NAV1: variants seen among roughly 807,000 people sequenced by gnomAD.
The protein encoded by NAV1 is pore membrane and/or filament interacting like protein 3.
A neutral mutation model predicts 175.2 loss-of-function variants in NAV1; 18 were observed. That is an observed-to-expected ratio of 0.10 (90% CI 0.07 to 0.15). NAV1 has a LOEUF of 0.15. Among genes scored for constraint, NAV1 ranks in the 10% least tolerant of loss-of-function variants. The pLI, the probability that NAV1 is intolerant of heterozygous loss-of-function variation, is 1.00. For missense variants in NAV1, 1,731 were observed against 2,436.6 expected (o/e 0.71, Z 6.10); for synonymous variants, 897 against 978.7 (o/e 0.92, Z 1.56).
At chr1:201,630,699 A>G (rs994269842) in intron 2 of NAV1, among the ~76,000 whole-genome samples, 1 of 152,222 alleles carries the variant, frequency 6.6e-6, no homozygotes, top group South Asian at 2.1e-4. Context: ...ATCTCCTTCC[A>G]CAATAAATAT....
At chr1:201,578,552 T>C (rs1666757790) in intron 1 of NAV1, among the ~76,000 whole-genome samples, 2 of 152,122 alleles carry the variant, frequency 1.3e-5, no homozygotes, top group Non-Finnish European at 2.9e-5. Context: ...AAGTCCAGGC[T>C]CCGCATATGG....
chr1:201,756,864 CTTTCTTTCTTTCTTTCTTTCTCTG>C (rs1674535162), intron 3 of NAV1, among the ~76,000 whole-genome samples: 1 of 108,052 alleles, frequency 9.3e-6, no homozygotes, highest in Non-Finnish European at 2.1e-5. Context: ...TTCTTTCTTT[CTTTCTTTCTTTCTTTCTTTCTCTG>C]TCTTTCTCCC....
rs1367429929 is a variant in NAV1 at position 201,794,693 on chromosome 1, G to A, written c.3517+116G>A. 4 of 928,434 alleles carry A rather than the reference G, an allele frequency of 4.3e-6. No homozygotes were observed. The South Asian group carries it at 5.6e-5, about 13-fold the overall frequency. 57.5% of individuals were successfully genotyped at this position (928,434 alleles called of 1,614,324 possible). On this transcript the variant is annotated intron_variant, in intron 15 of 29. Transcript: ENST00000367296. Reference sequence around the variant, plus strand: ...CCTATATCAAGTCTCTAGAAGGTGAGGGCCTTTAGATACCCTTTAGTGTGA... The same window carrying A: ...CCTATATCAAGTCTCTAGAAGGTGAAGGCCTTTAGATACCCTTTAGTGTGA...
At chr1:201,579,822 G>A (rs1436911165) in intron 1 of NAV1, among the ~76,000 whole-genome samples, 1 of 152,172 alleles carries the variant, frequency 6.6e-6, no homozygotes, top group Non-Finnish European at 1.5e-5. Context: ...ATAGATACAC[G>A]AGAGGGGATT....
intron 2 of NAV1, among the ~76,000 whole-genome samples, chr1:201,605,366 A>T (rs1309534175): frequency 1.3e-5 from 2 of 152,082 alleles, no homozygotes; most frequent in Non-Finnish European, 2.9e-5. Flanking sequence ...GAGAAAAAAA[A>T]GTTAGGTGGT....
In NAV1 at chr1:201,687,255, A is replaced by C. The variant is rs568581648; in HGVS notation, c.758-25562A>C. On this transcript the variant is annotated intron_variant, in intron 1 of 29. Coordinates refer to ENST00000367296, the Ensembl canonical transcript of NAV1. ...TTATAGGTTGCTTTTTTTTTCCCCC[A>C]GGGGGAAGTGGCTGGAAGGTGGCAC... Among the ~76,000 whole-genome samples, 22 of 152,040 alleles carry C rather than the reference A, an allele frequency of 1.4e-4. No individual in the cohort carries two copies. The South Asian group carries it at 3.3e-3, about 23-fold the overall frequency.
At chr1:201,562,836 A>T (rs993932880) in intron 1 of NAV1, among the ~76,000 whole-genome samples, 2 of 152,136 alleles carry the variant, frequency 1.3e-5, no homozygotes, top group African/African-American at 4.8e-5. Flanking sequence ...AGAGCCTGTC[A>T]GTAGGGAACC....
In NAV1 at chr1:201,808,432, C is replaced by G; in HGVS notation, c.3860C>G (p.Pro1287Arg). ...CTATCTTACAGGGGCCCTGCTCACC[C>G]AGCCCCCCACACTAGGCTGTTCCAT... The change falls in exon 19 of 30, where the codon CCA (proline) becomes CGA (arginine). Residue 1287 changes from proline (P) to arginine (R), a missense_variant. Physicochemically the swap from Pro to Arg is moderately radical, Grantham distance 103 (BLOSUM62 -2). Coordinates refer to ENST00000367296, the Ensembl canonical transcript of NAV1. The surrounding 1 kb of genome is among the most constrained non-coding windows in gnomAD (Gnocchi z 5.5). The G allele has an allele frequency of 6.2e-7, 1 of 1,612,462 alleles. No individual in the cohort carries two copies. Among genetic ancestry groups the G allele is most frequent in the Non-Finnish European group, 8.5e-7 (1 of 1,179,008 alleles).
intron 2 of NAV1, among the ~76,000 whole-genome samples, chr1:201,642,175 T>TCCTC (rs1668781747): frequency 7.7e-6 from 1 of 130,110 alleles, no homozygotes; most frequent in Non-Finnish European, 1.6e-5. Context: ...CTCCCTTCCT[T>TCCTC]CCTTCCTTCC....
intron 11 of NAV1, 81 bp from the exon 16 acceptor site, chr1:201,790,473 C>T: frequency 4.7e-6 from 7 of 1,502,186 alleles, no homozygotes; most frequent in Non-Finnish European, 6.5e-6. Flanking sequence ...TCCTACCCTG[C>T]CACTGGGACC....
rs745351805 is a variant in NAV1 at position 201,812,245 on chromosome 1, T to A, written c.5025-220T>A. On this transcript the variant is annotated intron_variant, in intron 26 of 29. Transcript: ENST00000367296. This position sits in a 1 kb window ranked among gnomAD's most constrained non-coding sequence, Gnocchi z 4.6. ...GCCCGCACACGCTGATCTGGGTCAG[T>A]GATGTCAGAAGGTTATCCGAAGAGG... Among the ~76,000 whole-genome samples, 5 of 152,156 alleles carry A rather than the reference T, an allele frequency of 3.3e-5. No homozygotes were observed. Among genetic ancestry groups the A allele is most frequent in the Admixed American group, 1.3e-4 (2 of 15,278 alleles).
chr1:201,711,955 C>T (rs1046365901), intron 1 of NAV1, among the ~76,000 whole-genome samples: 3 of 152,338 alleles, frequency 2.0e-5, no homozygotes, highest in Non-Finnish European at 4.4e-5. Flanking sequence ...TGTAGATTCT[C>T]ATCCGTCCAG....
chr1:201,656,444 G>A (rs781768874), intron 1 of NAV1, among the ~76,000 whole-genome samples: 1 of 152,198 alleles, frequency 6.6e-6, no homozygotes, highest in Non-Finnish European at 1.5e-5. Context: ...GTGTGGTCTG[G>A]TCTGAAAGGT....
rs974425724 is a variant in NAV1 at position 201,785,160 on chromosome 1, C to T, written c.2805-150C>T. ...AGCCAAGAAGCAGGCTATAGTATCT[C>T]TTGGTTTCTAGAGCTAAAGCAGGTC... On this transcript the variant is annotated intron_variant, in intron 7 of 29. Coordinates refer to ENST00000367296, the Ensembl canonical transcript of NAV1. The T allele has an allele frequency of 3.4e-5, 23 of 669,572 alleles. 1 individual carries two copies. The highest frequency in any genetic ancestry group is 1.7e-5 in the Non-Finnish European group (7 of 403,652). The allele number at this position is 669,572 out of a possible 1,614,324, so 41.5% of individuals were successfully genotyped here.
intron 1 of NAV1, among the ~76,000 whole-genome samples, chr1:201,662,002 G>T (rs1025991186): frequency 6.6e-6 from 1 of 152,222 alleles, no homozygotes; most frequent in East Asian, 1.9e-4. Flanking sequence ...TGAAGAAACT[G>T]AGAGGTTAAG....
In NAV1 at chr1:201,662,578, T is replaced by C. The variant is rs113903486; in HGVS notation, c.757+13153T>C. ...CCAGCTGGCTGTCCGTAGCCCTCTT[T>C]GCACTTACTCCTCATCTGTAGAATG... is the stretch of plus-strand genomic sequence containing the variant. On this transcript the variant is annotated intron_variant, in intron 1 of 29. Transcript: ENST00000367296. Among the ~76,000 whole-genome samples the C allele has an allele frequency of 1.1e-3, 171 of 152,310 alleles. 1 individual carries two copies. The highest frequency in any genetic ancestry group is 4.0e-3 in the African/African-American group (167 of 41,564).
At chr1:201,686,285 C>T (rs1428798265) in intron 1 of NAV1, among the ~76,000 whole-genome samples, 3 of 151,394 alleles carry the variant, frequency 2.0e-5, no homozygotes, top group Non-Finnish European at 4.4e-5. Flanking sequence ...TGCCTTCATC[C>T]CTGCCCCCTC....
rs1407209538 is a variant in NAV1, at chr1:201,539,570, T to TG, written c.-144+231dup. Reference sequence around the variant, plus strand: ...AAGGTGTGTGCCCTTTCGACCCCTATGGGACTGACTGCGCGTTTGATTCTA... The same window carrying TG: ...AAGGTGTGTGCCCTTTCGACCCCTATGGGGACTGACTGCGCGTTTGATTCTA... On this transcript the variant is annotated intron_variant, in intron 1 of 33. Coordinates refer to the NAV1 transcript ENST00000685211. This position sits in a 1 kb window ranked among gnomAD's most constrained non-coding sequence, Gnocchi z 5.6. 6.6e-6 allele frequency among the ~76,000 whole-genome samples: 1 copy of TG among 152,072 alleles called. No individual in the cohort carries two copies. The highest frequency in any genetic ancestry group is 1.5e-5 in the Non-Finnish European group (1 of 68,004).
intron 13 of NAV1, chr1:201,791,817 A>G (rs903690899): frequency 1.3e-5 from 2 of 152,194 alleles, no homozygotes; most frequent in Non-Finnish European, 2.9e-5. Context: ...AGTTTGTTTG[A>G]AGCTCATGTT....
Sources: allele counts gnomAD v4.1 joint callset (sites outside exome capture counted in the v4.1 genomes callset), GRCh38; gene constraint gnomAD v4.1.1; non-coding constraint Gnocchi (gnomAD v3.1); transcripts MANE v1.5; gene names NCBI Gene and HGNC (gene_info 2026-07-23, HGNC 2026-07-21).